Variants in RAD23B observed in about 807,000 individuals in gnomAD.
RAD23B encodes the protein RAD23 nucleotide excision repair protein B.
RAD23B carries 5 observed loss-of-function variants against 49.1 expected under a neutral mutation model. The ratio of observed to expected loss-of-function variants is 0.10; its 90% CI spans 0.05 to 0.21. The LOEUF is 0.21. RAD23B is among the 10% of genes least tolerant of loss of function. The pLI, the probability that RAD23B is intolerant of heterozygous loss-of-function variation, is 1.00. For missense variants in RAD23B, 356 were observed against 486.7 expected, an observed-to-expected ratio of 0.73 and a Z score of 2.53; for synonymous variants, 184 against 165.4, an observed-to-expected ratio of 1.11 and a Z score of -0.86.
chr9:107,291,930 GA>G (rs1833390866), intron 1 of RAD23B, among the ~76,000 whole-genome samples: 2 of 151,960 alleles, frequency 1.3e-5, no homozygotes, highest in South Asian at 4.1e-4. Flanking sequence ...TTTTCTCTTT[GA>G]AAGTCCAGTT....
chr9:107,318,619 A>C lies in RAD23B; in HGVS notation c.554-133A>C. 9.8e-7 allele frequency: 1 copy of C among 1,021,416 alleles called. No homozygotes were observed. Among genetic ancestry groups the C allele is most frequent in the South Asian group, 1.7e-5 (1 of 58,824 alleles). 63.3% of individuals were successfully genotyped at this position (1,021,416 alleles called of 1,614,324 possible). On this transcript the variant is annotated intron_variant, in intron 5 of 9. Transcript: ENST00000358015. The surrounding 1 kb of genome is among the most constrained non-coding windows in gnomAD (Gnocchi z 4.3). The stretch of plus-strand genomic sequence containing the variant: ...CATTACCTACTACATATATGTTGTA[A>C]TTTATACTGTTACTCATCTTTGTAT...
intron 2 of RAD23B, among the ~76,000 whole-genome samples, chr9:107,301,488 A>G (rs1425807795): frequency 6.6e-6 from 1 of 152,124 alleles, no homozygotes; most frequent in Non-Finnish European, 1.5e-5. Flanking sequence ...ATTGATTGTC[A>G]TTCTATATAC....
At chr9:107,313,646 C>T (rs117363589) in intron 5 of RAD23B, among the ~76,000 whole-genome samples, 2,405 of 152,256 alleles carry the variant, frequency 0.016, 26 homozygotes, top group Non-Finnish European at 0.027. Context: ...TATATAGATT[C>T]CCCAAATTAC....
intron 4 of RAD23B, among the ~76,000 whole-genome samples, chr9:107,311,124 C>T (rs886976452): frequency 3.3e-5 from 5 of 152,182 alleles, no homozygotes; most frequent in Non-Finnish European, 7.4e-5. Flanking sequence ...TCTCTTTAAA[C>T]TGATTTTCAT....
chr9:107,311,199 A>G (rs1482196699), intron 4 of RAD23B, among the ~76,000 whole-genome samples: 1 of 152,170 alleles, frequency 6.6e-6, no homozygotes, highest in Non-Finnish European at 1.5e-5. Context: ...CTTTATTTGA[A>G]TATCTTCTTT....
Position 107,330,204 on chromosome 9 carries a change from A to T in RAD23B, c.*548A>T, listed in dbSNP as rs1297482688. The T allele has an allele frequency of 6.6e-6, 1 of 152,646 alleles. No homozygotes were observed. The highest frequency in any genetic ancestry group is 1.5e-5 in the Non-Finnish European group (1 of 68,028). 9.5% of individuals were successfully genotyped at this position (152,646 alleles called of 1,614,324 possible). Reference sequence around the variant, plus strand: ...AATATGTAAGGAAGCCCATTCTTTCATGTTAAATACTTGGGGTGGGAGGGG... The same window carrying T: ...AATATGTAAGGAAGCCCATTCTTTCTTGTTAAATACTTGGGGTGGGAGGGG... On this transcript the variant is annotated 3_prime_UTR_variant, in exon 10 of 10. Transcript: ENST00000358015. The surrounding 1 kb of genome is among the most constrained non-coding windows in gnomAD (Gnocchi z 4.4).
chr9:107,284,761 T>G, intron 1 of RAD23B: 1 of 1,098,972 alleles, frequency 9.1e-7, no homozygotes, highest in Non-Finnish European at 1.1e-6. Flanking sequence ...GATTCTATTT[T>G]GGGTGGAGAT....
chr9:107,288,922 T>G (rs1345487000), intron 1 of RAD23B, among the ~76,000 whole-genome samples: 17 of 152,028 alleles, frequency 1.1e-4, no homozygotes, highest in Admixed American at 1.1e-3. Flanking sequence ...GAGAGTGAGT[T>G]AGGCAAGTGA....
In RAD23B at chr9:107,331,672, AT is replaced by A; in HGVS notation, c.*2017del. 1 of 753,566 alleles carries A rather than the reference AT, an allele frequency of 1.3e-6. No individual in the cohort carries two copies. The highest frequency in any genetic ancestry group is 2.4e-6 in the Non-Finnish European group (1 of 409,954). The allele number at this position is 753,566 out of a possible 1,614,324, so 46.7% of individuals were successfully genotyped here. ...ATGACATTCTCTGTCTACTCAGATCATAGTGAAAACTGGAAACAAAAAAAAA... is the reference window on the plus strand; with the variant it reads ...ATGACATTCTCTGTCTACTCAGATCAAGTGAAAACTGGAAACAAAAAAAAA... On this transcript the variant is annotated 3_prime_UTR_variant, in exon 10 of 10. Coordinates refer to ENST00000358015, the MANE Select transcript of RAD23B (RefSeq NM_002874.5).
At chr9:107,296,023 G>C (rs1826509328) in intron 1 of RAD23B, among the ~76,000 whole-genome samples, 1 of 152,340 alleles carries the variant, frequency 6.6e-6, no homozygotes, top group East Asian at 1.9e-4. Context: ...AGTTAACTAA[G>C]AGCTGGTAGG....
At chr9:107,307,517 AG>A (rs1450408562) in intron 4 of RAD23B, among the ~76,000 whole-genome samples, 1 of 152,234 alleles carries the variant, frequency 6.6e-6, no homozygotes, top group Non-Finnish European at 1.5e-5. Context: ...TTTGTGACTT[AG>A]TGCAACTCAG....
At position 107,318,888 on chromosome 9, in the gene RAD23B, T is replaced by C. The variant is rs376710608; in HGVS notation, c.681+9T>C. On this transcript the variant is annotated intron_variant, in intron 6 of 9. Transcript: ENST00000358015. The surrounding 1 kb of genome is among the most constrained non-coding windows in gnomAD (Gnocchi z 4.3). ...TGGAGTATCTTTTAATGGTGAGAAATATGTTTTACTTTACTCCATTCTGTT... is the reference window on the plus strand; with the variant it reads ...TGGAGTATCTTTTAATGGTGAGAAACATGTTTTACTTTACTCCATTCTGTT... 3.9e-5 allele frequency: 63 copies of C among 1,604,180 alleles called. No individual in the cohort carries two copies. Among genetic ancestry groups the C allele is most frequent in the Non-Finnish European group, 5.2e-5 (61 of 1,175,408 alleles).
At chr9:107,310,772 C>A (rs894844163) in intron 4 of RAD23B, among the ~76,000 whole-genome samples, 1 of 152,066 alleles carries the variant, frequency 6.6e-6, no homozygotes, top group Non-Finnish European at 1.5e-5. Context: ...CTAGTGTAGC[C>A]CTACCCACAA....
chr9:107,309,418 A>G (rs1403965317), intron 4 of RAD23B, among the ~76,000 whole-genome samples: 4 of 152,254 alleles, frequency 2.6e-5, no homozygotes, highest in Non-Finnish European at 5.9e-5. Context: ...GGCAATAACC[A>G]TAAACCAGAC....
intron 8 of RAD23B, among the ~76,000 whole-genome samples, chr9:107,324,570 T>C (rs1352109395): frequency 6.6e-6 from 1 of 152,070 alleles, no homozygotes; most frequent in African/African-American, 2.4e-5. Context: ...TTGTTTGTTT[T>C]TTGTTTGTTT....
At chr9:107,303,077 A>G (rs1172820737) in intron 3 of RAD23B, among the ~76,000 whole-genome samples, 1 of 152,204 alleles carries the variant, frequency 6.6e-6, no homozygotes, top group Non-Finnish European at 1.5e-5. Context: ...GAGACTATTT[A>G]TATACTTGTT....
At chr9:107,310,011 T>C (rs990990628) in intron 4 of RAD23B, among the ~76,000 whole-genome samples, 8 of 151,182 alleles carry the variant, frequency 5.3e-5, no homozygotes, top group Non-Finnish European at 1.0e-4. Flanking sequence ...GATTTTAAAA[T>C]GTATTATACA....
chr9:107,315,452 A>G (rs1330739779), intron 5 of RAD23B, among the ~76,000 whole-genome samples: 1 of 151,988 alleles, frequency 6.6e-6, no homozygotes, highest in African/African-American at 2.4e-5. Context: ...GTTCTTCATC[A>G]CCACCTCTTT....
intron 1 of RAD23B, among the ~76,000 whole-genome samples, chr9:107,296,181 A>G (rs1257664273): frequency 6.6e-6 from 1 of 152,224 alleles, no homozygotes; most frequent in Non-Finnish European, 1.5e-5. Flanking sequence ...AATTTTAGAC[A>G]GGTCAGTGCA....
Sources: gnomAD v4.1 joint callset for allele counts (sites outside exome capture counted in the v4.1 genomes callset) on GRCh38, gnomAD v4.1.1 for gene constraint, Gnocchi (gnomAD v3.1) non-coding constraint, MANE v1.5 for transcripts, NCBI Gene and HGNC (gene_info 2026-07-23, HGNC 2026-07-21) for gene names.